The following LIN52 variants were observed in gnomAD, a reference collection of about 807,000 sequenced individuals.
The protein encoded by LIN52 is protein lin-52 homolog.
A neutral mutation model predicts 18.5 loss-of-function variants in LIN52; 4 were observed. The ratio of observed to expected loss-of-function variants is 0.22; its 90% confidence interval spans 0.11 to 0.49. The LOEUF is 0.49. Among genes scored for constraint, LIN52 ranks in the 20% least tolerant of loss-of-function variants. LIN52 has a pLI of 0.97. For synonymous variants in LIN52, 34 were observed against 45.5 expected, an observed-to-expected ratio of 0.75 and a Z score of 1.02; for missense variants, 102 against 139.5, an observed-to-expected ratio of 0.73 and a Z score of 1.35.
chr14:74,133,488 A>T (rs2061080143), intron 5 of LIN52, among the ~76,000 whole-genome samples: 1 of 152,262 alleles, frequency 6.6e-6, no homozygotes, highest in Non-Finnish European at 1.5e-5. Flanking sequence ...CAAGAGCTGC[A>T]CATTAATTAA....
At chr14:74,173,826 T>C (rs1026114665) in intron 5 of LIN52, among the ~76,000 whole-genome samples, 2 of 152,238 alleles carry the variant, frequency 1.3e-5, no homozygotes. Flanking sequence ...TTTAATTATA[T>C]GGCAGTAATG....
chr14:74,166,729 C>T (rs2061251432), intron 5 of LIN52, among the ~76,000 whole-genome samples: 1 of 152,052 alleles, frequency 6.6e-6, no homozygotes, highest in East Asian at 1.9e-4. Context: ...CATCTTTTTC[C>T]CTTGGTGTAA....
At chr14:74,142,072 A>G (rs897732168) in intron 5 of LIN52, among the ~76,000 whole-genome samples, 38 of 152,172 alleles carry the variant, frequency 2.5e-4, no homozygotes, top group Non-Finnish European at 8.8e-5. Flanking sequence ...GTGATAGGAG[A>G]AATCAGTTGT....
At chr14:74,128,452 G>A (rs1208810810) in intron 5 of LIN52, among the ~76,000 whole-genome samples, 1 of 152,160 alleles carries the variant, frequency 6.6e-6, no homozygotes, top group African/African-American at 2.4e-5. Flanking sequence ...AAGGAACAGT[G>A]CCTGGCACCA....
chr14:74,092,180 C>T (rs1293642899), intron 2 of LIN52, among the ~76,000 whole-genome samples: 1 of 151,502 alleles, frequency 6.6e-6, no homozygotes, highest in Non-Finnish European at 1.5e-5. Context: ...CCATGTTGGC[C>T]AGGCTGGTCT....
intron 5 of LIN52, among the ~76,000 whole-genome samples, chr14:74,180,044 C>T (rs2061311496): frequency 6.6e-6 from 1 of 152,170 alleles, no homozygotes; most frequent in South Asian, 2.1e-4. Context: ...AAGTACCACA[C>T]TCTGAGAACC....
intron 5 of LIN52, among the ~76,000 whole-genome samples, chr14:74,133,350 A>G (rs183953995): frequency 3.6e-4 from 55 of 152,346 alleles, no homozygotes; most frequent in Non-Finnish European, 5.7e-4. Flanking sequence ...CTTCTAGAAT[A>G]TAGGTACCAA....
At chr14:74,126,325 A>T (rs1323263972) in intron 5 of LIN52, among the ~76,000 whole-genome samples, 1 of 152,240 alleles carries the variant, frequency 6.6e-6, no homozygotes, top group Non-Finnish European at 1.5e-5. Context: ...GGAAACTGGT[A>T]TTTCTTCAAA....
chr14:74,087,884 G>A (rs2060745344), intron 1 of LIN52, among the ~76,000 whole-genome samples: 1 of 152,102 alleles, frequency 6.6e-6, no homozygotes, highest in African/African-American at 2.4e-5. Flanking sequence ...GGTCACCCAT[G>A]TAGGTTATTA....
intron 2 of LIN52, among the ~76,000 whole-genome samples, chr14:74,094,133 G>A (rs545292842): frequency 6.6e-5 from 10 of 151,948 alleles, no homozygotes; most frequent in Non-Finnish European, 1.2e-4. Context: ...TACTCCACAT[G>A]TGAACAGTTC....
chr14:74,197,733 C>A (rs2078922979), intron 5 of LIN52, among the ~76,000 whole-genome samples: 1 of 152,200 alleles, frequency 6.6e-6, no homozygotes, highest in African/African-American at 2.4e-5. Flanking sequence ...AATGTATAGA[C>A]TGAAGTTACA....
rs68037994 is a variant in LIN52 at position 74,190,389 on chromosome 14, C to CTTTTTTTTT, written c.284-8521_284-8513dup. On this transcript the variant is annotated intron_variant, in intron 5 of 5. Transcript: ENST00000555028. ...GAAATGTTTTATTATGCCTAAATAA[C>CTTTTTTTTT]TTTTTTTTTTTTTTTTTTTTGAGAC... 5.3e-3 allele frequency among the ~76,000 whole-genome samples: 564 copies of CTTTTTTTTT among 106,254 alleles called. 30 individuals carry two copies. The highest frequency in any genetic ancestry group is 0.024 in the East Asian group (71 of 2,930). 69.7% of individuals were successfully genotyped at this position (106,254 alleles called of 152,430 possible). A position where few individuals can be genotyped will look rare whatever the true frequency, so the allele number is the denominator to read the frequency against.
chr14:74,160,129 G>T (rs2061217962), intron 5 of LIN52, among the ~76,000 whole-genome samples: 1 of 152,142 alleles, frequency 6.6e-6, no homozygotes, highest in Non-Finnish European at 1.5e-5. Context: ...AGGTCATTGT[G>T]TGGGGCCTCA....
chr14:74,168,450 C>CG (rs967285631), intron 5 of LIN52, among the ~76,000 whole-genome samples: 8 of 151,194 alleles, frequency 5.3e-5, no homozygotes, highest in African/African-American at 1.9e-4. Flanking sequence ...AGGTGGATCA[C>CG]GAGGTCAGGA....
At chr14:74,197,999 G>A (rs557118945) in intron 5 of LIN52, among the ~76,000 whole-genome samples, 12 of 152,154 alleles carry the variant, frequency 7.9e-5, no homozygotes, top group South Asian at 6.2e-4. Flanking sequence ...AGCCTACCCC[G>A]TGCCTACTGC....
Position 74,198,970 on chromosome 14 carries a change from A to G in LIN52, c.332A>G (p.Lys111Arg), listed in dbSNP as rs140536694. 532 of 1,612,236 alleles carry G rather than the reference A, an allele frequency of 3.3e-4. 2 individuals are homozygous for G. The African/African-American group carries it at 6.2e-3, about 19-fold the overall frequency. ...GKFLNILEKP[K>R]K ...TTCCTCAATATTCTAGAGAAGCCCA[A>G]GAAGTAGCAGCTGCTTGCGGACAGG... is the stretch of plus-strand genomic sequence containing the variant. Residue 111 changes from lysine (K) to arginine (R), a missense_variant, in exon 6 of 6, where the codon AAG (lysine) becomes AGG (arginine). Physicochemically the swap from Lys to Arg is conservative, Grantham distance 26 (BLOSUM62 2). Coordinates refer to ENST00000555028, the MANE Select transcript of LIN52 (RefSeq NM_001024674.3).
At chr14:74,124,347 A>C (rs1046458091) in intron 5 of LIN52, among the ~76,000 whole-genome samples, 1 of 152,232 alleles carries the variant, frequency 6.6e-6, no homozygotes, top group African/African-American at 2.4e-5. Flanking sequence ...CAAATGAGTG[A>C]ATATGAATAA....
At chr14:74,132,457 T>C (rs1354037518) in intron 5 of LIN52, among the ~76,000 whole-genome samples, 1 of 152,222 alleles carries the variant, frequency 6.6e-6, no homozygotes, top group Non-Finnish European at 1.5e-5. Flanking sequence ...CTTATGCTTA[T>C]TGGGTGAATA....
At chr14:74,114,810 A>AAT (rs1371360950) in intron 5 of LIN52, among the ~76,000 whole-genome samples, 1 of 152,194 alleles carries the variant, frequency 6.6e-6, no homozygotes, top group African/African-American at 2.4e-5. Context: ...CAATATGTGA[A>AAT]ATAGGATGTA....
Sources: gnomAD v4.1 joint callset for allele counts (sites outside exome capture counted in the v4.1 genomes callset) on GRCh38, gnomAD v4.1.1 for gene constraint, MANE v1.5 for transcripts, NCBI Gene and HGNC (gene_info 2026-07-23, HGNC 2026-07-21) for gene names.